GSE1: variants seen among roughly 807,000 people sequenced by gnomAD.
The protein encoded by GSE1 is genetic suppressor element 1.
In GSE1, 32 loss-of-function variants were observed where a neutral mutation model predicts 112.6. The ratio of observed to expected loss-of-function variants is 0.28; its 90% confidence interval spans 0.21 to 0.38. The LOEUF is 0.38. Among genes scored for constraint, GSE1 ranks in the 10% least tolerant of loss-of-function variants. The pLI is 1.00. For missense variants in GSE1, 2,348 were observed against 1,699.2 expected, an observed-to-expected ratio of 1.38 and a Z score of -6.71; for synonymous variants, 1,115 against 735.6, an observed-to-expected ratio of 1.52 and a Z score of -8.35.
chr16:85,621,394 G>C (rs1038980825), intron 1 of GSE1, among the ~76,000 whole-genome samples: 2 of 152,270 alleles, frequency 1.3e-5, no homozygotes, highest in African/African-American at 4.8e-5. Context: ...GCAGGGAGTG[G>C]AGTGTGCGCT....
chr16:85,361,873 G>T (rs1278261749), intron 2 of GSE1, among the ~76,000 whole-genome samples: 1 of 152,230 alleles, frequency 6.6e-6, no homozygotes, highest in Non-Finnish European at 1.5e-5. Context: ...TCCCGGGGCA[G>T]CCCACAGAGC....
chr16:85,636,930 C>G (rs1458693854), intron 2 of GSE1, among the ~76,000 whole-genome samples: 1 of 152,184 alleles, frequency 6.6e-6, no homozygotes, highest in Non-Finnish European at 1.5e-5. Context: ...TGCTACCCCC[C>G]CAGCTCCCTG....
chr16:85,643,470 C>CA (rs1177340859), intron 2 of GSE1, among the ~76,000 whole-genome samples: 21 of 149,088 alleles, frequency 1.4e-4, no homozygotes, highest in Admixed American at 1.4e-3. Context: ...CCCCACCCTT[C>CA]ACCCACCCCT....
chr16:85,180,684 C>T (rs927157185), intron 1 of GSE1, among the ~76,000 whole-genome samples: 1 of 152,200 alleles, frequency 6.6e-6, no homozygotes. Context: ...GAAGTGCCGG[C>T]GCCGGGATCC....
chr16:85,243,289 A>G (rs1439079055), intron 1 of GSE1, among the ~76,000 whole-genome samples: 1 of 152,262 alleles, frequency 6.6e-6, no homozygotes, highest in Non-Finnish European at 1.5e-5. Context: ...GCTACAGTCA[A>G]GGTGCCAGTG....
At chr16:85,339,327 G>A (rs1428607117) in intron 1 of GSE1, among the ~76,000 whole-genome samples, 1 of 152,176 alleles carries the variant, frequency 6.6e-6, no homozygotes, top group South Asian at 2.1e-4. Flanking sequence ...GGGCACATTT[G>A]TCTTTGCCTG....
chr16:85,344,887 C>T (rs1173290464), intron 1 of GSE1, among the ~76,000 whole-genome samples: 4 of 152,220 alleles, frequency 2.6e-5, no homozygotes, highest in South Asian at 2.1e-4. Context: ...AGCTGTCTGC[C>T]GCCTTCAGGC....
intron 1 of GSE1, among the ~76,000 whole-genome samples, chr16:85,212,898 C>T (rs1338733941): frequency 6.6e-6 from 1 of 152,040 alleles, no homozygotes; most frequent in Non-Finnish European, 1.5e-5. Context: ...GAGGCCGAGG[C>T]GGGAAGATCG....
chr16:85,597,782 T>A (rs1361179314), intron 1 of GSE1, among the ~76,000 whole-genome samples: 2 of 152,206 alleles, frequency 1.3e-5, no homozygotes, highest in African/African-American at 4.8e-5. Context: ...GATTCTTCAA[T>A]AACTAAAAGA....
intron 2 of GSE1, among the ~76,000 whole-genome samples, chr16:85,437,492 C>A (rs2049276594): frequency 1.3e-5 from 2 of 152,004 alleles, no homozygotes; most frequent in African/African-American, 2.4e-5. Context: ...AGGGAGGCGG[C>A]ACCCACACCC....
chr16:85,610,326 C>T (rs1391820325), upstream of GSE1, among the ~76,000 whole-genome samples: 5 of 152,178 alleles, frequency 3.3e-5, no homozygotes, highest in Non-Finnish European at 5.9e-5. Flanking sequence ...GAAGGAGGTC[C>T]AGGGAAAGAG....
intron 1 of GSE1, among the ~76,000 whole-genome samples, chr16:85,591,206 G>C (rs1037281569): frequency 6.6e-6 from 1 of 152,220 alleles, no homozygotes; most frequent in African/African-American, 2.4e-5. Flanking sequence ...AACAGCGCCT[G>C]ACCCTGGGGT....
intron 1 of GSE1, among the ~76,000 whole-genome samples, chr16:85,188,162 C>G (rs775463207): frequency 6.6e-6 from 1 of 152,188 alleles, no homozygotes; most frequent in Non-Finnish European, 1.5e-5. Context: ...CTCAACACCC[C>G]GTGGGCTCCC....
chr16:85,669,510 C>T (rs966405030), intron 14 of GSE1, among the ~76,000 whole-genome samples: 2 of 152,162 alleles, frequency 1.3e-5, no homozygotes, highest in Non-Finnish European at 2.9e-5. Context: ...GTTTCCTTTC[C>T]TCCTCCCGTG....
At chr16:85,185,470 A>C (rs1450819683) in intron 1 of GSE1, 1 of 152,286 alleles carries the variant, frequency 6.6e-6, no homozygotes, top group Non-Finnish European at 1.5e-5. Context: ...AGTCACCTCC[A>C]TGCAGAGCGC....
rs566889553 is a variant in GSE1, at chr16:85,199,588, C to T, written c.2283+27781C>T. On this transcript the variant is annotated intron_variant, in intron 1 of 2. Coordinates refer to the GSE1 transcript ENST00000637419. ...ACGTTTCTTCTCCAGGAGGCCCCTC[C>T]GCTGATTTCTGGGTAATGCGTAGTT... Among the ~76,000 whole-genome samples the T allele has an allele frequency of 5.3e-5, 8 of 152,334 alleles. No individual in the cohort carries two copies. The East Asian group carries it at 1.2e-3, about 22-fold the overall frequency.
intron 1 of GSE1, among the ~76,000 whole-genome samples, chr16:85,350,691 G>A (rs11861763): frequency 0.33 from 50,700 of 151,994 alleles, 8,943 homozygotes; most frequent in African/African-American, 0.44. Flanking sequence ...CTAGTTTGTT[G>A]AGAACCTGCT....
chr16:85,671,597 G>A (rs998862549), intron 15 of GSE1, among the ~76,000 whole-genome samples: 3 of 152,174 alleles, frequency 2.0e-5, no homozygotes, highest in Non-Finnish European at 2.9e-5. Context: ...CTGGTTGACA[G>A]AGCAAGACCA....
intron 1 of GSE1, among the ~76,000 whole-genome samples, chr16:85,182,871 C>T (rs1012913402): frequency 6.6e-6 from 1 of 152,098 alleles, no homozygotes; most frequent in Admixed American, 6.5e-5. Flanking sequence ...CTCTGACCCA[C>T]ACACCCCAGC....
Sources: gnomAD v4.1 joint callset for allele counts (sites outside exome capture counted in the v4.1 genomes callset) on GRCh38, gnomAD v4.1.1 for gene constraint, MANE v1.5 for transcripts, NCBI Gene and HGNC (gene_info 2026-07-23, HGNC 2026-07-21) for gene names.